SOX6: variants seen among roughly 807,000 people sequenced by gnomAD.
SOX6 encodes transcription factor SOX-6.
In SOX6, 11 loss-of-function variants were observed where a neutral mutation model predicts 97.8. The observed-to-expected ratio is 0.11, with a 90% CI of 0.07 to 0.19. The LOEUF (loss-of-function observed/expected upper bound fraction) is 0.19, where lower values mean the gene tolerates loss of function less well. Ranked by LOEUF, SOX6 falls within the 10% of genes least tolerant of loss-of-function variation. The pLI, the probability that SOX6 is intolerant of heterozygous loss-of-function variation, is 1.00. For missense variants in SOX6, 810 were observed against 1,039.5 expected (o/e 0.78, Z 3.04); for synonymous variants, 360 against 371.4 (o/e 0.97, Z 0.35).
At chr11:16,387,358 A>T (rs1858020311) in intron 1 of SOX6, among the ~76,000 whole-genome samples, 1 of 152,170 alleles carries the variant, frequency 6.6e-6, no homozygotes. Flanking sequence ...AGGTGACTGC[A>T]AAGCAAAATC....
At chr11:16,668,159 G>A (rs1847820829) in intron 3 of SOX6, among the ~76,000 whole-genome samples, 1 of 152,136 alleles carries the variant, frequency 6.6e-6, no homozygotes, top group African/African-American at 2.4e-5. Context: ...GATCACTTGA[G>A]GTCAGGACTT....
intron 4 of SOX6, among the ~76,000 whole-genome samples, chr11:16,564,337 T>C (rs1847845001): frequency 6.6e-6 from 1 of 152,126 alleles, no homozygotes; most frequent in African/African-American, 2.4e-5. Context: ...GGGAAAGTAA[T>C]TGGATATAAA....
intron 3 of SOX6, among the ~76,000 whole-genome samples, chr11:16,645,226 TG>T (rs1217316073): frequency 6.6e-6 from 1 of 152,230 alleles, no homozygotes; most frequent in Non-Finnish European, 1.5e-5. Context: ...CAATTCAAGC[TG>T]GCAACATACT....
intron 3 of SOX6, among the ~76,000 whole-genome samples, chr11:16,294,269 G>T (rs1169737997): frequency 1.3e-5 from 2 of 151,924 alleles, no homozygotes; most frequent in Non-Finnish European, 2.9e-5. Context: ...GTAATAAACA[G>T]TAAATGTTTA....
intron 4 of SOX6, among the ~76,000 whole-genome samples, chr11:16,580,863 C>T (rs930003995): frequency 9.9e-5 from 15 of 152,130 alleles, no homozygotes; most frequent in African/African-American, 3.6e-4. Flanking sequence ...CGTCACTGAT[C>T]ATTAGAGAAA....
chr11:16,286,249 T>C (rs1166806604), intron 3 of SOX6, among the ~76,000 whole-genome samples: 1 of 152,134 alleles, frequency 6.6e-6, no homozygotes, highest in Admixed American at 6.6e-5. Flanking sequence ...CTGGGATCTA[T>C]GCAACTTAGT....
At chr11:16,531,755 T>C (rs1480742562) in intron 4 of SOX6, among the ~76,000 whole-genome samples, 1 of 151,938 alleles carries the variant, frequency 6.6e-6, no homozygotes, top group Non-Finnish European at 1.5e-5. Flanking sequence ...AATTCACTCA[T>C]ACTCGCTAAT....
At chr11:16,709,613 C>A (rs1469351651) in intron 3 of SOX6, among the ~76,000 whole-genome samples, 1 of 152,202 alleles carries the variant, frequency 6.6e-6, no homozygotes, top group East Asian at 1.9e-4. Context: ...CTCCCTGAGG[C>A]CTCCCCAGAA....
chr11:16,504,160 G>C (rs114664804), intron 4 of SOX6, among the ~76,000 whole-genome samples: 2,443 of 151,978 alleles, frequency 0.016, 70 homozygotes, highest in African/African-American at 0.056. Flanking sequence ...TAGATCTATA[G>C]GACTTTCCTC....
chr11:16,254,085 A>C (rs1404307027), intron 3 of SOX6, among the ~76,000 whole-genome samples: 2 of 152,010 alleles, frequency 1.3e-5, no homozygotes, highest in Non-Finnish European at 2.9e-5. Flanking sequence ...GAAATATTTA[A>C]AGTGATGAAA....
At position 16,132,437 on chromosome 11, in the gene SOX6, GAAAGAAA is replaced by G. The variant is rs1564972591; in HGVS notation, c.778-20521_778-20515del. 4.8e-3 allele frequency among the ~76,000 whole-genome samples: 316 copies of G among 65,904 alleles called. 9 individuals are homozygous for G. Among genetic ancestry groups the G allele is most frequent in the African/African-American group, 0.01 (163 of 16,250 alleles). The allele number at this position is 65,904 out of a possible 152,430, so 43.2% of individuals were successfully genotyped here. ...AGAAAGAAAGAAAGAAAGAAAGAAAGAAAGAAAAAAGAAAGAAAGAAAGAAAGAAAGA... is the reference window on the plus strand; with the variant it reads ...AGAAAGAAAGAAAGAAAGAAAGAAAGAAAGAAAGAAAGAAAGAAAGAAAGA... On this transcript the variant is annotated intron_variant, in intron 6 of 15. Transcript: ENST00000683767.
chr11:16,586,593 A>G (rs1247690609), intron 4 of SOX6, among the ~76,000 whole-genome samples: 2 of 152,096 alleles, frequency 1.3e-5, no homozygotes, highest in African/African-American at 4.8e-5. Context: ...GGTGGTGTTC[A>G]CCTACAGTCC....
chr11:16,192,150 G>T (rs1162699938), intron 4 of SOX6, among the ~76,000 whole-genome samples: 1 of 152,118 alleles, frequency 6.6e-6, no homozygotes, highest in African/African-American at 2.4e-5. Flanking sequence ...CCTCCAGAAA[G>T]CACCTAAAAG....
At chr11:16,496,460 G>A (rs542003330) in intron 4 of SOX6, among the ~76,000 whole-genome samples, 17 of 152,254 alleles carry the variant, frequency 1.1e-4, no homozygotes, top group Admixed American at 5.2e-4. Flanking sequence ...GGGGAGTTTC[G>A]GAAAGTGGGT....
At chr11:15,974,849 A>C (rs4756841) in intron 15 of SOX6, among the ~76,000 whole-genome samples, 1 of 151,816 alleles carries the variant, frequency 6.6e-6, no homozygotes, top group Non-Finnish European at 1.5e-5. Flanking sequence ...AGGTATACCA[A>C]CTCACCCAAT....
intron 3 of SOX6, among the ~76,000 whole-genome samples, chr11:16,309,236 G>A (rs1447732013): frequency 6.6e-6 from 1 of 152,150 alleles, no homozygotes; most frequent in African/African-American, 2.4e-5. Context: ...ATATGTTATT[G>A]TTTGCACCAG....
chr11:16,436,487 T>A (rs1859378691), intron 1 of SOX6, among the ~76,000 whole-genome samples: 1 of 152,088 alleles, frequency 6.6e-6, no homozygotes, highest in Admixed American at 6.6e-5. Context: ...AATCTCTATC[T>A]CTAGCCCAGA....
At chr11:16,282,165 A>T (rs1295367028) in intron 3 of SOX6, among the ~76,000 whole-genome samples, 1 of 151,016 alleles carries the variant, frequency 6.6e-6, no homozygotes, top group Non-Finnish European at 1.5e-5. Context: ...TTCTCAGTCA[A>T]ATATATAGTC....
intron 6 of SOX6, among the ~76,000 whole-genome samples, chr11:16,167,444 A>G (rs1451856867): frequency 6.6e-6 from 1 of 152,134 alleles, no homozygotes; most frequent in African/African-American, 2.4e-5. Flanking sequence ...AGTAGCCAGA[A>G]TGAGCCTGTC....
Sources: gnomAD v4.1 joint callset for allele counts (sites outside exome capture counted in the v4.1 genomes callset) on GRCh38, gnomAD v4.1.1 for gene constraint, MANE v1.5 for transcripts, NCBI Gene and HGNC (gene_info 2026-07-23, HGNC 2026-07-21) for gene names.